The following SLCO3A1 variants were observed in gnomAD, a reference collection of about 807,000 sequenced individuals.
The protein encoded by SLCO3A1 is solute carrier organic anion transporter family member 3A1.
In SLCO3A1, 27 loss-of-function variants were observed where a neutral mutation model predicts 63.1. That is an observed-to-expected ratio of 0.43 (90% CI 0.32 to 0.59). The LOEUF is 0.59. Among genes scored for constraint, SLCO3A1 ranks in the 20% least tolerant of loss-of-function variants. The pLI, the probability that SLCO3A1 is intolerant of heterozygous loss-of-function variation, is 0.09. For synonymous variants in SLCO3A1, 473 were observed against 409.9 expected, an observed-to-expected ratio of 1.15 and a Z score of -1.86; for missense variants, 773 against 945.8, an observed-to-expected ratio of 0.82 and a Z score of 2.40.
At chr15:92,109,404 A>G (rs1298424586) in intron 4 of SLCO3A1, among the ~76,000 whole-genome samples, 1 of 152,226 alleles carries the variant, frequency 6.6e-6, no homozygotes, top group Non-Finnish European at 1.5e-5. Flanking sequence ...GCAACAGCAC[A>G]GGTGTCCCCT....
intron 2 of SLCO3A1, among the ~76,000 whole-genome samples, chr15:92,050,770 C>A (rs891799075): frequency 1.3e-5 from 2 of 152,298 alleles, no homozygotes; most frequent in African/African-American, 4.8e-5. Context: ...TAGGATAGAA[C>A]CCTGACTGCT....
chr15:92,093,626 C>T (rs528700608), intron 2 of SLCO3A1, among the ~76,000 whole-genome samples: 24 of 152,128 alleles, frequency 1.6e-4, no homozygotes, highest in African/African-American at 4.3e-4. Flanking sequence ...TGAATGAGTT[C>T]GGAGGAGGGA....
intron 2 of SLCO3A1, among the ~76,000 whole-genome samples, chr15:92,049,728 T>C (rs1460664683): frequency 1.3e-5 from 2 of 152,182 alleles, no homozygotes. Context: ...AACCTAGATA[T>C]TAACAGCAGC....
intron 2 of SLCO3A1, among the ~76,000 whole-genome samples, chr15:92,016,406 C>T (rs1262450835): frequency 2.0e-5 from 3 of 152,072 alleles, no homozygotes; most frequent in African/African-American, 7.2e-5. Context: ...CTCAAACAAT[C>T]CCCCCAACTC....
chr15:92,000,442 A>G (rs1050655430), intron 2 of SLCO3A1, among the ~76,000 whole-genome samples: 4 of 150,816 alleles, frequency 2.7e-5, no homozygotes, highest in Non-Finnish European at 5.9e-5. Flanking sequence ...CTGCTTAATG[A>G]GTATGTGTTT....
At position 91,853,876 on chromosome 15, in the gene SLCO3A1, A is replaced by AGCG. The variant is rs368016879; in HGVS notation, c.-10_-8dup. 0.027 allele frequency: 34,521 copies of AGCG among 1,294,474 alleles called. 355 individuals carry two copies. The highest frequency in any genetic ancestry group is 0.029 in the Non-Finnish European group (29,419 of 1,017,794). 80.2% of individuals were successfully genotyped at this position (1,294,474 alleles called of 1,614,324 possible). On this transcript the variant is annotated 5_prime_UTR_variant, in exon 1 of 10. Coordinates refer to ENST00000318445, the MANE Select transcript of SLCO3A1 (RefSeq NM_013272.4). ...CACCCGGGGCGAGCGGGAAAGCGGCAGCGGCGGCGGCGGCGGCGGCGGCGG... is the reference window on the plus strand; with the variant it reads ...CACCCGGGGCGAGCGGGAAAGCGGCAGCGGCGGCGGCGGCGGCGGCGGCGGCGG...
intron 2 of SLCO3A1, among the ~76,000 whole-genome samples, chr15:92,003,271 T>C (rs1057501144): frequency 6.6e-6 from 1 of 152,156 alleles, no homozygotes; most frequent in Non-Finnish European, 1.5e-5. Flanking sequence ...TTATGCGTGG[T>C]AGGAGGTAGT....
chr15:91,977,739 CA>C (rs1901174364), intron 2 of SLCO3A1, among the ~76,000 whole-genome samples: 1 of 152,118 alleles, frequency 6.6e-6, no homozygotes, highest in African/African-American at 2.4e-5. Flanking sequence ...ACCTGTACCC[CA>C]AAAACTATCA....
At chr15:92,102,082 C>CATCTG (rs1300241365) in intron 3 of SLCO3A1, among the ~76,000 whole-genome samples, 69 of 152,252 alleles carry the variant, frequency 4.5e-4, no homozygotes, top group African/African-American at 1.6e-3. Flanking sequence ...TCTCTCTTTA[C>CATCTG]CCGCTCACAT....
At chr15:92,008,147 T>A (rs1336246844) in intron 2 of SLCO3A1, among the ~76,000 whole-genome samples, 4 of 152,138 alleles carry the variant, frequency 2.6e-5, no homozygotes, top group Non-Finnish European at 1.5e-5. Flanking sequence ...CTGAAAGACC[T>A]TTTTTTCTTC....
chr15:92,021,524 C>T (rs2046509001), intron 2 of SLCO3A1, among the ~76,000 whole-genome samples: 1 of 152,126 alleles, frequency 6.6e-6, no homozygotes, highest in Non-Finnish European at 1.5e-5. Context: ...AGAAAACAAC[C>T]ACTCCTACAA....
intron 2 of SLCO3A1, among the ~76,000 whole-genome samples, chr15:92,036,542 T>G (rs911243134): frequency 1.3e-5 from 2 of 152,148 alleles, no homozygotes; most frequent in Non-Finnish European, 2.9e-5. Flanking sequence ...TTTACACACC[T>G]TGATAGGGAG....
At chr15:91,933,989 T>C (rs1332438218) in intron 2 of SLCO3A1, among the ~76,000 whole-genome samples, 4 of 152,214 alleles carry the variant, frequency 2.6e-5, no homozygotes, top group Non-Finnish European at 5.9e-5. Flanking sequence ...GTACTGGCTT[T>C]TCTTGCAGCT....
At chr15:92,063,823 C>T (rs1240461397) in intron 2 of SLCO3A1, among the ~76,000 whole-genome samples, 1 of 152,202 alleles carries the variant, frequency 6.6e-6, no homozygotes, top group Non-Finnish European at 1.5e-5. Context: ...GCACTCCAGC[C>T]TGGGCAACAG....
intron 4 of SLCO3A1, among the ~76,000 whole-genome samples, chr15:92,106,866 C>G (rs982007582): frequency 1.3e-5 from 2 of 152,208 alleles, no homozygotes; most frequent in African/African-American, 2.4e-5. Context: ...AGAGCTGAGC[C>G]AAGTCTTGAG....
chr15:92,095,352 A>G (rs1431915584), intron 3 of SLCO3A1, among the ~76,000 whole-genome samples: 1 of 152,226 alleles, frequency 6.6e-6, no homozygotes, highest in East Asian at 1.9e-4. Flanking sequence ...GTGGGGGCCC[A>G]TTAACCTATA....
At chr15:92,053,694 TTG>T (rs367906247) in intron 2 of SLCO3A1, among the ~76,000 whole-genome samples, 94,774 of 136,418 alleles carry the variant, frequency 0.69, 33,060 homozygotes, top group Admixed American at 0.83. Context: ...GTTTGTTTGT[TTG>T]TTTTTTTTTT....
intron 3 of SLCO3A1, chr15:92,098,149 G>C (rs1405574058): frequency 6.6e-6 from 1 of 152,258 alleles, no homozygotes; most frequent in African/African-American, 2.4e-5. Flanking sequence ...ATGGAGGAGA[G>C]AAGGCGGCGT....
chr15:91,993,812 G>A (rs1316196980), intron 2 of SLCO3A1, among the ~76,000 whole-genome samples: 2 of 152,194 alleles, frequency 1.3e-5, no homozygotes, highest in Non-Finnish European at 2.9e-5. Flanking sequence ...AGATGTTGCT[G>A]TTTCTACCCT....
Sources: allele counts gnomAD v4.1 joint callset (sites outside exome capture counted in the v4.1 genomes callset), GRCh38; gene constraint gnomAD v4.1.1; transcripts MANE v1.5; gene names NCBI Gene and HGNC (gene_info 2026-07-23, HGNC 2026-07-21).